Variants in RNF121 observed in about 807,000 individuals in gnomAD.
RNF121 encodes the protein E3 ubiquitin ligase RNF121.
RNF121 carries 21 observed loss-of-function variants against 46.5 expected under a neutral mutation model. The observed-to-expected ratio is 0.45, with a 90% CI of 0.32 to 0.65. RNF121 has a LOEUF of 0.65. Ranked by LOEUF, RNF121 falls within the 30% of genes least tolerant of loss-of-function variation. RNF121 has a pLI of 0.04. For missense variants in RNF121, 346 were observed against 416.0 expected (o/e 0.83, Z 1.46); for synonymous variants, 139 against 144.7 (o/e 0.96, Z 0.28).
rs1360393633 is a variant in RNF121, at chr11:71,996,385, C to T, written c.*70C>T. On this transcript the variant is annotated 3_prime_UTR_variant, in exon 9 of 9. Coordinates refer to ENST00000361756, the MANE Select transcript of RNF121 (RefSeq NM_018320.5). The stretch of plus-strand genomic sequence containing the variant: ...CTCAGGGCACTCTCCTCCCTGCCCA[C>T]AAAGACCTCCTGGGTGGGAAAGACT... 43 of 1,572,388 alleles carry T rather than the reference C, an allele frequency of 2.7e-5. No homozygotes were observed. Among genetic ancestry groups the T allele is most frequent in the Non-Finnish European group, 3.5e-5 (41 of 1,155,254 alleles).
At chr11:71,994,458 T>A (rs886558357) in intron 6 of RNF121, among the ~76,000 whole-genome samples, 2 of 152,166 alleles carry the variant, frequency 1.3e-5, no homozygotes, top group Admixed American at 1.3e-4. Context: ...CAGCCCAGTT[T>A]ATAGGTTCTG....
chr11:71,960,664 G>T, intron 2 of RNF121, 86 bp from the exon 3 acceptor site: 3 of 1,496,120 alleles, frequency 2.0e-6, no homozygotes, highest in Non-Finnish European at 2.7e-6. Context: ...TCTGAGCTAT[G>T]TACTGGTGGG....
chr11:71,943,251 CT>C (rs1953630199), intron 1 of RNF121, among the ~76,000 whole-genome samples: 1 of 152,166 alleles, frequency 6.6e-6, no homozygotes, highest in Non-Finnish European at 1.5e-5. Context: ...AATAATCAAG[CT>C]TGCTTTTATA....
rs183077143 is a variant in RNF121, at chr11:71,963,624, A to C, written c.243+2733A>C. Among the ~76,000 whole-genome samples the C allele has an allele frequency of 2.7e-3, 416 of 152,078 alleles. 2 individuals carry two copies. The highest frequency in any genetic ancestry group is 0.013 in the South Asian group (62 of 4,824). On this transcript the variant is annotated intron_variant, in intron 3 of 8. Coordinates refer to ENST00000361756, the MANE Select transcript of RNF121 (RefSeq NM_018320.5). ...ACAGAGCAAGACTCCTTCCCAAAAA[A>C]AAAAGAGTTTTATAGTCTTAGCTCT... is the stretch of plus-strand genomic sequence containing the variant.
intron 5 of RNF121, among the ~76,000 whole-genome samples, chr11:71,987,996 G>A (rs1248168605): frequency 1.3e-5 from 2 of 152,222 alleles, no homozygotes; most frequent in Non-Finnish European, 2.9e-5. Flanking sequence ...AGTGTTGCCT[G>A]TAATATAGCT....
chr11:71,980,378 ACT>A (rs1215184443), intron 3 of RNF121, among the ~76,000 whole-genome samples: 9 of 149,950 alleles, frequency 6.0e-5, no homozygotes, highest in Admixed American at 2.7e-4. Context: ...GGAGTCTAAC[ACT>A]CTGTCACCTA....
At chr11:71,940,758 T>C (rs1157832413) in intron 1 of RNF121, among the ~76,000 whole-genome samples, 1 of 152,238 alleles carries the variant, frequency 6.6e-6, no homozygotes, top group Non-Finnish European at 1.5e-5. Flanking sequence ...GGTTGTAGTA[T>C]AGTGTCAGCA....
At chr11:71,990,762 A>C (rs753484509) in intron 6 of RNF121, 45 bp downstream of exon 6, 1 of 1,607,088 alleles carries the variant, frequency 6.2e-7, no homozygotes, top group Non-Finnish European at 8.5e-7. Context: ...GACACCTCCA[A>C]ATTGCTCAAG....
intron 1 of RNF121, among the ~76,000 whole-genome samples, chr11:71,942,696 G>C (rs981895368): frequency 2.0e-5 from 3 of 151,266 alleles, no homozygotes; most frequent in Admixed American, 1.3e-4. Context: ...CCTGGGAGGC[G>C]GAGGTTGCAG....
chr11:71,953,709 T>C (rs1953932003), intron 1 of RNF121, among the ~76,000 whole-genome samples: 1 of 151,838 alleles, frequency 6.6e-6, no homozygotes, highest in South Asian at 2.1e-4. Context: ...TTGGCCAGAG[T>C]TTTGCAGTAA....
At chr11:71,942,767 T>C (rs1297836376) in intron 1 of RNF121, among the ~76,000 whole-genome samples, 8 of 49,108 alleles carry the variant, frequency 1.6e-4, no homozygotes, top group Non-Finnish European at 4.9e-5. Flanking sequence ...AAAATCTATA[T>C]ATCTGTATAT....
chr11:71,966,220 C>T (rs755982572), intron 3 of RNF121, among the ~76,000 whole-genome samples: 6 of 152,072 alleles, frequency 3.9e-5, no homozygotes, highest in Admixed American at 6.6e-5. Context: ...GGTTTCTCCA[C>T]GTTGGTCAGG....
At chr11:71,961,387 C>T (rs974956598) in intron 3 of RNF121, among the ~76,000 whole-genome samples, 2 of 152,040 alleles carry the variant, frequency 1.3e-5, no homozygotes, top group African/African-American at 4.8e-5. Flanking sequence ...ATGGCAAAAC[C>T]CTATATCTAC....
At chr11:71,959,833 G>T (rs192731045) in intron 2 of RNF121, among the ~76,000 whole-genome samples, 1 of 151,810 alleles carries the variant, frequency 6.6e-6, no homozygotes, top group Non-Finnish European at 1.5e-5. Context: ...ACGGGGTTTC[G>T]CCATGTTGGC....
At position 71,988,342 on chromosome 11, in the gene RNF121, G is replaced by A. The variant is rs1172601223; in HGVS notation, c.506+1231G>A. Among the ~76,000 whole-genome samples, 3 of 152,166 alleles carry A rather than the reference G, an allele frequency of 2.0e-5. No individual in the cohort carries two copies. In the East Asian group the frequency reaches 5.8e-4, roughly 29 times the overall value. ...TGCTTTCCTGGATGAAATACTGGTGGCTGTGGGCTGTGGATCAAGAGGAGC... is the reference window on the plus strand; with the variant it reads ...TGCTTTCCTGGATGAAATACTGGTGACTGTGGGCTGTGGATCAAGAGGAGC... On this transcript the variant is annotated intron_variant, in intron 5 of 8. Transcript: ENST00000361756.
chr11:71,931,669 T>G (rs1704725588), intron 1 of RNF121, among the ~76,000 whole-genome samples: 1 of 152,172 alleles, frequency 6.6e-6, no homozygotes, highest in Non-Finnish European at 1.5e-5. Flanking sequence ...ATTATAATAC[T>G]AGATAATTGC....
At chr11:71,935,461 A>G (rs1378306902) in intron 1 of RNF121, among the ~76,000 whole-genome samples, 1 of 152,154 alleles carries the variant, frequency 6.6e-6, no homozygotes, top group Non-Finnish European at 1.5e-5. Context: ...ATCCTGTTCT[A>G]TGCTAGACAT....
chr11:71,978,846 A>C (rs889561829), intron 3 of RNF121, among the ~76,000 whole-genome samples: 2 of 152,234 alleles, frequency 1.3e-5, no homozygotes, highest in Admixed American at 1.3e-4. Context: ...GAGTTAAACG[A>C]TCTGCCTAAG....
intron 3 of RNF121, among the ~76,000 whole-genome samples, chr11:71,976,755 C>A (rs1363228259): frequency 6.6e-6 from 1 of 152,126 alleles, no homozygotes; most frequent in African/African-American, 2.4e-5. Flanking sequence ...TCAACTGAAA[C>A]CCCTAAGCCT....
Sources: gnomAD v4.1 joint callset for allele counts (sites outside exome capture counted in the v4.1 genomes callset) on GRCh38, gnomAD v4.1.1 for gene constraint, MANE v1.5 for transcripts, NCBI Gene and HGNC (gene_info 2026-07-23, HGNC 2026-07-21) for gene names.